ZNF280D: variants seen among roughly 807,000 people sequenced by gnomAD.
The protein encoded by ZNF280D is suppressor of hairy wing homolog 4.
Under a neutral mutation model 94.7 loss-of-function variants are expected in ZNF280D, and 39 were observed. The observed-to-expected ratio is 0.41, with a 90% CI of 0.32 to 0.54. The LOEUF (loss-of-function observed/expected upper bound fraction) is 0.54, where lower values mean the gene tolerates loss of function less well. ZNF280D is among the 20% of genes least tolerant of loss of function. The pLI, the probability that ZNF280D is intolerant of heterozygous loss-of-function variation, is 0.22. For synonymous variants in ZNF280D, 398 were observed against 377.6 expected, an observed-to-expected ratio of 1.05 and a Z score of -0.63; for missense variants, 1,090 against 1,149.3, an observed-to-expected ratio of 0.95 and a Z score of 0.75.
At chr15:56,705,034 T>C (rs1003932530) in intron 3 of ZNF280D, among the ~76,000 whole-genome samples, 2 of 151,838 alleles carry the variant, frequency 1.3e-5, no homozygotes, top group Admixed American at 6.6e-5. Flanking sequence ...GATGCTAGAA[T>C]AGAATATGGA....
chr15:56,648,449 T>G (rs1185319591), intron 19 of ZNF280D, among the ~76,000 whole-genome samples: 1 of 151,856 alleles, frequency 6.6e-6, no homozygotes, highest in Admixed American at 6.6e-5. Flanking sequence ...CTTAGTCCTA[T>G]CCAGTTTCTT....
At chr15:56,675,661 T>G (rs1440377112) in intron 13 of ZNF280D, among the ~76,000 whole-genome samples, 2 of 152,002 alleles carry the variant, frequency 1.3e-5, no homozygotes, top group African/African-American at 4.8e-5. Flanking sequence ...TCACAACACA[T>G]ATGATCCCAA....
At position 56,733,452 on chromosome 15, in the gene ZNF280D, G is replaced by C; in HGVS notation, c.-86+6C>G. The C allele has an allele frequency of 9.4e-7, 1 of 1,067,774 alleles. No homozygotes were observed. Among genetic ancestry groups the C allele is most frequent in the South Asian group, 2.4e-5 (1 of 42,318 alleles). 66.1% of individuals were successfully genotyped at this position (1,067,774 alleles called of 1,614,324 possible). ...GCAGGGCGGGCGGGGGCGGGGGGGC[G>C]CTTACCGTGAGCGGAGCGGATCGGC... On this transcript the variant is annotated splice_donor_region_variant and intron_variant, in intron 1 of 21. Transcript: ENST00000267807.
chr15:56,662,555 G>T (rs1470671969), intron 16 of ZNF280D, among the ~76,000 whole-genome samples: 1 of 152,106 alleles, frequency 6.6e-6, no homozygotes, highest in African/African-American at 2.4e-5. Context: ...GCCAGGCACG[G>T]TGGCTCATGC....
intron 19 of ZNF280D, among the ~76,000 whole-genome samples, chr15:56,650,331 C>G (rs764086021): frequency 6.6e-6 from 1 of 152,066 alleles, no homozygotes; most frequent in African/African-American, 2.4e-5. Flanking sequence ...ATAATACACA[C>G]ATTAACATCT....
At chr15:56,692,052 AG>A (rs1333133751) in intron 7 of ZNF280D, among the ~76,000 whole-genome samples, 1 of 152,024 alleles carries the variant, frequency 6.6e-6, no homozygotes, top group Non-Finnish European at 1.5e-5. Context: ...CAGAAAGAAT[AG>A]GAGTCATTAT....
chr15:56,676,902 G>A (rs2055269450), intron 12 of ZNF280D, 86 bp from the exon 13 acceptor site: 1 of 1,085,162 alleles, frequency 9.2e-7, no homozygotes, highest in African/African-American at 1.6e-5. Context: ...TAATTTGTCA[G>A]GAGAACATTA....
chr15:56,717,933 A>G (rs1232046565), intron 1 of ZNF280D, among the ~76,000 whole-genome samples: 1 of 152,192 alleles, frequency 6.6e-6, no homozygotes. Context: ...AAAAACGAAG[A>G]TGAACTCTAG....
chr15:56,653,373 A>C (rs575366903), intron 19 of ZNF280D: 13 of 1,293,028 alleles, frequency 1.0e-5, no homozygotes, highest in Non-Finnish European at 1.3e-5. Flanking sequence ...GTGGGCCTTA[A>C]AGCCATCTCT....
chr15:56,678,777 C>T lies in ZNF280D; in HGVS notation c.1049G>A (p.Ser350Asn). The change falls in exon 11 of 22, where the codon AGC becomes AAC. Residue 350 changes from serine to asparagine, a missense_variant. By Grantham distance (46) the Ser-to-Asn change is conservative (BLOSUM62 1). Transcript: ENST00000267807. ...GGTATGGTTTTCCCAGCTCTCACTG[C>T]TCTGCTTCTCAAGTTCCAAATGGTG... is the stretch of plus-strand genomic sequence containing the variant. ...MKHHLELEKQ[S>N]SESWENHTTC... 1.9e-6 allele frequency: 3 copies of T among 1,612,094 alleles called. No homozygotes were observed. The highest frequency in any genetic ancestry group is 1.1e-5 in the South Asian group (1 of 90,820).
chr15:56,650,537 G>C (rs1336673818), intron 19 of ZNF280D, among the ~76,000 whole-genome samples: 1 of 152,114 alleles, frequency 6.6e-6, no homozygotes, highest in African/African-American at 2.4e-5. Context: ...GTCACTCAGA[G>C]AACTAAATCA....
chr15:56,707,934 A>G (rs1383115186), intron 1 of ZNF280D, among the ~76,000 whole-genome samples: 2 of 151,996 alleles, frequency 1.3e-5, no homozygotes, highest in Non-Finnish European at 2.9e-5. Context: ...AAATGCTGTT[A>G]GAATAAACAT....
chr15:56,702,600 G>T (rs567421189), intron 4 of ZNF280D, among the ~76,000 whole-genome samples: 1 of 151,992 alleles, frequency 6.6e-6, no homozygotes. Context: ...TTCAATAAGA[G>T]TTTGAATTTT....
intron 16 of ZNF280D, among the ~76,000 whole-genome samples, chr15:56,660,659 A>G (rs1313681481): frequency 6.6e-6 from 1 of 152,156 alleles, no homozygotes; most frequent in African/African-American, 2.4e-5. Flanking sequence ...TAGTAAAAAT[A>G]TAATGTTAAA....
At chr15:56,696,760 T>C (rs376365446) in intron 6 of ZNF280D, among the ~76,000 whole-genome samples, 1 of 152,380 alleles carries the variant, frequency 6.6e-6, no homozygotes, top group South Asian at 2.1e-4. Flanking sequence ...TAACTTTGAC[T>C]GCACAGTAGA....
At chr15:56,633,959 A>AT (rs1459417555) in intron 21 of ZNF280D, 1 of 152,172 alleles carries the variant, frequency 6.6e-6, no homozygotes, top group Non-Finnish European at 1.5e-5. Flanking sequence ...TTAATATATT[A>AT]TTTTTTATCA....
chr15:56,652,804 A>ATAATCC, intron 19 of ZNF280D: 1 of 984,512 alleles, frequency 1.0e-6, no homozygotes, highest in Non-Finnish European at 1.2e-6. Flanking sequence ...TCCCAATAGG[A>ATAATCC]CAGAGTATCT....
chr15:56,693,620 C>CA (rs1280922734), intron 6 of ZNF280D, among the ~76,000 whole-genome samples: 1 of 149,996 alleles, frequency 6.7e-6, no homozygotes, highest in South Asian at 2.1e-4. Flanking sequence ...CATTAAAGGA[C>CA]AAAAAATAGA....
At chr15:56,724,196 G>C (rs1204742655) in intron 1 of ZNF280D, among the ~76,000 whole-genome samples, 1 of 152,160 alleles carries the variant, frequency 6.6e-6, no homozygotes, top group Non-Finnish European at 1.5e-5. Flanking sequence ...ACCATCTTAA[G>C]CTGGGGACTG....
Sources: allele counts gnomAD v4.1 joint callset (sites outside exome capture counted in the v4.1 genomes callset), GRCh38; gene constraint gnomAD v4.1.1; transcripts MANE v1.5; gene names NCBI Gene and HGNC (gene_info 2026-07-23, HGNC 2026-07-21).